TAFA5: variants seen among roughly 807,000 people sequenced by gnomAD.
TAFA5 encodes chemokine-like protein TAFA-5.
TAFA5 carries 6 observed loss-of-function variants against 15.3 expected under a neutral mutation model. The observed-to-expected ratio is 0.39, with a 90% CI of 0.21 to 0.77. TAFA5 has a LOEUF of 0.77. Among genes scored for constraint, TAFA5 ranks in the 30% least tolerant of loss-of-function variants. The pLI, the probability that TAFA5 is intolerant of heterozygous loss-of-function variation, is 0.41. For synonymous variants in TAFA5, 103 were observed against 80.7 expected (o/e 1.28, Z -1.48); for missense variants, 161 against 193.1 (o/e 0.83, Z 0.98).
chr22:48,534,924 G>A (rs1282374629), intron 1 of TAFA5, among the ~76,000 whole-genome samples: 2 of 152,150 alleles, frequency 1.3e-5, no homozygotes, highest in Non-Finnish European at 2.9e-5. Flanking sequence ...CTGAGCTGCA[G>A]CCTCAGCACA....
intron 3 of TAFA5, among the ~76,000 whole-genome samples, chr22:48,748,124 A>G (rs1267783301): frequency 6.6e-6 from 1 of 152,154 alleles, no homozygotes; most frequent in Non-Finnish European, 1.5e-5. Context: ...GTCACTCCTG[A>G]TGGAAAGGCT....
At chr22:48,676,725 A>AGG (rs1927984295) in intron 2 of TAFA5, among the ~76,000 whole-genome samples, 1 of 152,180 alleles carries the variant, frequency 6.6e-6, no homozygotes, top group Non-Finnish European at 1.5e-5. Context: ...GGGAGCGGGT[A>AGG]TGCACTGCTC....
chr22:48,699,352 A>G (rs1031329721), intron 2 of TAFA5, among the ~76,000 whole-genome samples: 2 of 152,208 alleles, frequency 1.3e-5, no homozygotes, highest in African/African-American at 4.8e-5. Flanking sequence ...TAAAACTGGA[A>G]TAAACCAAAT....
chr22:48,712,611 C>A (rs1929286318), intron 3 of TAFA5, among the ~76,000 whole-genome samples: 1 of 152,196 alleles, frequency 6.6e-6, no homozygotes, highest in Admixed American at 6.5e-5. Context: ...AGAAACTGAC[C>A]TCTGCGGTGC....
intron 1 of TAFA5, among the ~76,000 whole-genome samples, chr22:48,606,212 T>C (rs78025093): frequency 3.9e-4 from 60 of 152,256 alleles, no homozygotes; most frequent in Non-Finnish European, 7.4e-4. Context: ...AAATCCCACC[T>C]CCAGGAATTT....
intron 2 of TAFA5, among the ~76,000 whole-genome samples, chr22:48,650,250 G>A (rs946055767): frequency 6.6e-6 from 1 of 152,182 alleles, no homozygotes; most frequent in Admixed American, 6.5e-5. Context: ...GACCACAGGC[G>A]CTCGGAATGC....
intron 1 of TAFA5, among the ~76,000 whole-genome samples, chr22:48,512,197 G>A (rs1333703119): frequency 5.3e-5 from 8 of 152,258 alleles, no homozygotes; most frequent in Admixed American, 3.3e-4. Flanking sequence ...GGGAGGAGGT[G>A]GAGGAGATGC....
chr22:48,728,217 C>T (rs981046335), intron 3 of TAFA5, among the ~76,000 whole-genome samples: 2 of 152,260 alleles, frequency 1.3e-5, no homozygotes, highest in African/African-American at 4.8e-5. Context: ...AGAAATGCAC[C>T]AGCCCTCTTT....
At position 48,542,336 on chromosome 22, in the gene TAFA5, G is replaced by GA. The variant is rs1434486169; in HGVS notation, c.112+52632_112+52633insA. Among the ~76,000 whole-genome samples, 3 of 137,358 alleles carry GA rather than the reference G, an allele frequency of 2.2e-5. No individual in the cohort carries two copies. In the East Asian group the frequency reaches 7.6e-4, roughly 35 times the overall value. 90.1% of individuals were successfully genotyped at this position (137,358 alleles called of 152,430 possible). On this transcript the variant is annotated intron_variant, in intron 1 of 3. Coordinates refer to ENST00000402357, the MANE Select transcript of TAFA5 (RefSeq NM_001082967.3). Reference sequence around the variant, plus strand: ...TGTATGTGTGTGTGATGTGTGTGGTGTGTGTGTGGTGTGTGTGCATATGTG... The same window carrying GA: ...TGTATGTGTGTGTGATGTGTGTGGTGATGTGTGTGGTGTGTGTGCATATGTG...
chr22:48,723,657 G>T (rs1285399614), intron 3 of TAFA5, among the ~76,000 whole-genome samples: 1 of 152,228 alleles, frequency 6.6e-6, no homozygotes, highest in Non-Finnish European at 1.5e-5. Context: ...CTGCGTGCTA[G>T]GGTGGGAGAC....
chr22:48,506,159 G>T (rs554000367), intron 1 of TAFA5, among the ~76,000 whole-genome samples: 1 of 152,170 alleles, frequency 6.6e-6, no homozygotes, highest in South Asian at 2.1e-4. Flanking sequence ...TGCTGGCCTC[G>T]CCTGGCCCCT....
intron 1 of TAFA5, among the ~76,000 whole-genome samples, chr22:48,527,437 C>T (rs554185074): frequency 3.2e-4 from 49 of 152,180 alleles, no homozygotes; most frequent in Admixed American, 3.0e-3. Context: ...TGAGGGGCAA[C>T]GGGACCGTGG....
At chr22:48,505,302 G>A (rs980264756) in intron 1 of TAFA5, among the ~76,000 whole-genome samples, 5 of 152,154 alleles carry the variant, frequency 3.3e-5, no homozygotes, top group South Asian at 2.1e-4. Flanking sequence ...GTATTGAACC[G>A]GGGGCGTCTG....
chr22:48,569,214 G>A (rs964808302), intron 1 of TAFA5, among the ~76,000 whole-genome samples: 5 of 152,204 alleles, frequency 3.3e-5, no homozygotes, highest in South Asian at 4.1e-4. Context: ...GGCAATCTCC[G>A]GGGAGGACGA....
intron 2 of TAFA5, among the ~76,000 whole-genome samples, chr22:48,693,583 G>A (rs924782039): frequency 2.0e-4 from 31 of 152,242 alleles, no homozygotes; most frequent in African/African-American, 6.0e-4. Flanking sequence ...CCCCTGGTCC[G>A]GCTCTGGGCC....
At chr22:48,586,487 C>T (rs555951367) in intron 1 of TAFA5, among the ~76,000 whole-genome samples, 1 of 152,298 alleles carries the variant, frequency 6.6e-6, no homozygotes, top group African/African-American at 2.4e-5. Context: ...CGAGGACTTC[C>T]ACGGGGGTCC....
intron 3 of TAFA5, among the ~76,000 whole-genome samples, chr22:48,712,287 C>T (rs1186600899): frequency 3.3e-5 from 5 of 152,220 alleles, no homozygotes; most frequent in African/African-American, 1.2e-4. Context: ...AAACTCCTGA[C>T]CTCAGGTGAT....
chr22:48,596,699 T>C (rs1412628857), intron 1 of TAFA5, among the ~76,000 whole-genome samples: 1 of 152,142 alleles, frequency 6.6e-6, no homozygotes, highest in African/African-American at 2.4e-5. Flanking sequence ...GCATGGAGCA[T>C]TCTGTGGGTT....
chr22:48,707,857 C>A lies in TAFA5; in HGVS notation c.390+13C>A, dbSNP rs77372693. On this transcript the variant is annotated intron_variant, in intron 3 of 3. Transcript: ENST00000402357. ...AAAGACCACCACGGTATGTGGCCCT[C>A]GGCTTTCTCGTGGGTGTGCTGGGGA... 47 of 1,609,734 alleles carry A rather than the reference C, an allele frequency of 2.9e-5. No homozygotes were observed. The South Asian group carries it at 4.6e-4, about 16-fold the overall frequency.
Sources: allele counts gnomAD v4.1 joint callset (sites outside exome capture counted in the v4.1 genomes callset), GRCh38; gene constraint gnomAD v4.1.1; transcripts MANE v1.5; gene names NCBI Gene and HGNC (gene_info 2026-07-23, HGNC 2026-07-21).